Variants in ASIC2 observed in about 807,000 individuals in gnomAD.
The protein encoded by ASIC2 is acid-sensing ion channel 2.
In ASIC2, 25 loss-of-function variants were observed where a neutral mutation model predicts 57.3. The ratio of observed to expected loss-of-function variants is 0.44; its 90% CI spans 0.32 to 0.61. The LOEUF is 0.61. ASIC2 is among the 20% of genes least tolerant of loss of function. The pLI, the probability that ASIC2 is intolerant of heterozygous loss-of-function variation, is 0.06. For missense variants in ASIC2, 641 were observed against 738.1 expected, an observed-to-expected ratio of 0.87 and a Z score of 1.52; for synonymous variants, 319 against 307.5, an observed-to-expected ratio of 1.04 and a Z score of -0.39.
At chr17:33,410,233 C>T (rs768359669) in intron 1 of ASIC2, among the ~76,000 whole-genome samples, 1 of 152,194 alleles carries the variant, frequency 6.6e-6, no homozygotes, top group African/African-American at 2.4e-5. Flanking sequence ...TGATGAGGGG[C>T]CACAGCACCC....
chr17:33,498,232 C>T (rs565880443), intron 1 of ASIC2, among the ~76,000 whole-genome samples: 40 of 152,306 alleles, frequency 2.6e-4, no homozygotes, highest in African/African-American at 6.3e-4. Flanking sequence ...GGGCTAGGAA[C>T]GCTCCCACCA....
At chr17:33,642,312 C>T (rs1906598605) in intron 1 of ASIC2, among the ~76,000 whole-genome samples, 1 of 151,620 alleles carries the variant, frequency 6.6e-6, no homozygotes, top group African/African-American at 2.4e-5. Flanking sequence ...GCAGAGGACA[C>T]TGAGTCTCCC....
In ASIC2 at chr17:33,731,825, C is replaced by T. The variant is rs188451691; in HGVS notation, c.555+424153G>A. 4.1e-3 allele frequency among the ~76,000 whole-genome samples: 618 copies of T among 152,246 alleles called. 5 individuals are homozygous for T. The highest frequency in any genetic ancestry group is 0.013 in the African/African-American group (542 of 41,536). Reference sequence around the variant, plus strand: ...GTGCCCACATGGGCCTTTGGGAAGGCTGGCCTCAGAGCAAAGACAGTGTTC... The same window carrying T: ...GTGCCCACATGGGCCTTTGGGAAGGTTGGCCTCAGAGCAAAGACAGTGTTC... On this transcript the variant is annotated intron_variant, in intron 1 of 9. Transcript: ENST00000359872.
At chr17:33,923,384 GA>G (rs1382511678) in intron 1 of ASIC2, among the ~76,000 whole-genome samples, 2 of 152,286 alleles carry the variant, frequency 1.3e-5, no homozygotes, top group East Asian at 3.9e-4. Context: ...ATTGTTGGAA[GA>G]AACTTTATTC....
rs146114549 is a variant in ASIC2 at position 34,040,918 on chromosome 17, T to C, written c.555+115060A>G. 6.0e-3 allele frequency among the ~76,000 whole-genome samples: 919 copies of C among 152,272 alleles called. 11 individuals are homozygous for C. The highest frequency in any genetic ancestry group is 0.021 in the African/African-American group (858 of 41,540). The stretch of plus-strand genomic sequence containing the variant: ...TAGGAGGAAGCTATTACCGTTTTGA[T>C]CATTTTACAAATGATGGAACAGAGT... On this transcript the variant is annotated intron_variant, in intron 1 of 9. Transcript: ENST00000359872.
At chr17:34,138,899 A>G (rs1225761596) in intron 1 of ASIC2, among the ~76,000 whole-genome samples, 1 of 152,234 alleles carries the variant, frequency 6.6e-6, no homozygotes, top group Non-Finnish European at 1.5e-5. Context: ...TCTGAAAACC[A>G]GTAATTAAAG....
At chr17:33,451,060 C>CG (rs1555535228) in intron 1 of ASIC2, among the ~76,000 whole-genome samples, 1 of 147,862 alleles carries the variant, frequency 6.8e-6, no homozygotes, top group African/African-American at 2.5e-5. Context: ...CGTACATGTA[C>CG]TTTTTTTTTT....
chr17:34,009,464 T>C (rs1253741095), intron 1 of ASIC2, among the ~76,000 whole-genome samples: 1 of 152,258 alleles, frequency 6.6e-6, no homozygotes, highest in Non-Finnish European at 1.5e-5. Context: ...AATATCTCTT[T>C]AATAATTTTT....
intron 2 of ASIC2, among the ~76,000 whole-genome samples, chr17:33,104,025 G>T (rs534494528): frequency 6.6e-6 from 1 of 152,276 alleles, no homozygotes; most frequent in South Asian, 2.1e-4. Flanking sequence ...CTCAAATGAT[G>T]TCTATTGGCC....
At chr17:33,164,372 G>A (rs1043953246) in intron 1 of ASIC2, among the ~76,000 whole-genome samples, 4 of 152,164 alleles carry the variant, frequency 2.6e-5, no homozygotes, top group African/African-American at 9.7e-5. Context: ...GGCTGGAGTT[G>A]CTCTTCCCTG....
At chr17:33,288,080 G>A (rs8073360) in intron 1 of ASIC2, among the ~76,000 whole-genome samples, 79,503 of 151,822 alleles carry the variant, frequency 0.52, 21,200 homozygotes, top group East Asian at 0.76. Context: ...GGTGCCGGAG[G>A]CAGCAAGTAC....
rs7209882 is a variant in ASIC2, at chr17:34,054,883, T to C, written c.555+101095A>G. 6.0e-3 allele frequency among the ~76,000 whole-genome samples: 896 copies of C among 148,448 alleles called. 10 individuals carry two copies. The highest frequency in any genetic ancestry group is 0.022 in the African/African-American group (850 of 37,858). On this transcript the variant is annotated intron_variant, in intron 1 of 9. Transcript: ENST00000359872. ...CATAGTCTGTCTTCTAGTGAGGAGA[T>C]AGATGAGCAAGTAACCAAAATGTAT...
At chr17:33,194,809 T>C (rs1237455448) in intron 1 of ASIC2, among the ~76,000 whole-genome samples, 1 of 152,162 alleles carries the variant, frequency 6.6e-6, no homozygotes, top group African/African-American at 2.4e-5. Flanking sequence ...CTAAGACACG[T>C]GGTGAAACCC....
At chr17:33,132,352 A>G (rs1177340275) in intron 1 of ASIC2, among the ~76,000 whole-genome samples, 1 of 152,164 alleles carries the variant, frequency 6.6e-6, no homozygotes, top group East Asian at 1.9e-4. Flanking sequence ...GGCTGTCATG[A>G]TGTTAAGAAA....
chr17:33,967,213 C>G (rs1000985374), intron 1 of ASIC2, among the ~76,000 whole-genome samples: 2 of 152,030 alleles, frequency 1.3e-5, no homozygotes, highest in Non-Finnish European at 2.9e-5. Context: ...TTCCCTATTA[C>G]CCACCTAATG....
chr17:34,113,390 G>T (rs533118224), intron 1 of ASIC2, among the ~76,000 whole-genome samples: 2 of 152,114 alleles, frequency 1.3e-5, no homozygotes, highest in East Asian at 3.9e-4. Context: ...GCAAGACCTT[G>T]TCTCTACTAG....
intron 1 of ASIC2, among the ~76,000 whole-genome samples, chr17:33,318,035 AGCTGACGGTC>A (rs960436242): frequency 3.3e-5 from 5 of 152,066 alleles, no homozygotes; most frequent in African/African-American, 1.2e-4. Flanking sequence ...TTTAGGAAAG[AGCTGACGGTC>A]GCATTTGGGT....
intron 1 of ASIC2, among the ~76,000 whole-genome samples, chr17:34,075,693 C>A (rs770738356): frequency 3.5e-4 from 53 of 152,158 alleles, no homozygotes; most frequent in Non-Finnish European, 6.3e-4. Flanking sequence ...TTCCTCCTCT[C>A]CAGCCTTCTT....
intron 1 of ASIC2, among the ~76,000 whole-genome samples, chr17:33,539,509 A>C (rs770590666): frequency 2.3e-4 from 35 of 152,376 alleles, no homozygotes; most frequent in Non-Finnish European, 4.0e-4. Context: ...CCAAATGCAC[A>C]TTCTTTCCTG....
Sources: gnomAD v4.1 joint callset for allele counts (sites outside exome capture counted in the v4.1 genomes callset) on GRCh38, gnomAD v4.1.1 for gene constraint, MANE v1.5 for transcripts, NCBI Gene and HGNC (gene_info 2026-07-23, HGNC 2026-07-21) for gene names.